The following CPED1 variants were observed in gnomAD, a reference collection of about 807,000 sequenced individuals.
CPED1 encodes the protein cadherin like and PC-esterase domain containing 1.
A neutral mutation model predicts 128.2 loss-of-function variants in CPED1; 114 were observed. The ratio of observed to expected loss-of-function variants is 0.89; its 90% confidence interval spans 0.76 to 1.04. The LOEUF (loss-of-function observed/expected upper bound fraction) is 1.04, where lower values mean the gene tolerates loss of function less well. Among genes scored for constraint, CPED1 ranks in the 50% least tolerant of loss-of-function variants. The pLI is 0.00. For synonymous variants in CPED1, 462 were observed against 426.7 expected, an observed-to-expected ratio of 1.08 and a Z score of -1.02; for missense variants, 1,211 against 1,207.1, an observed-to-expected ratio of 1.00 and a Z score of -0.05.
Position 121,221,812 on chromosome 7 carries a change from T to G in CPED1, c.2056-14902T>G, listed in dbSNP as rs546897278. Among the ~76,000 whole-genome samples, 11 of 152,312 alleles carry G rather than the reference T, an allele frequency of 7.2e-5. No individual in the cohort carries two copies. The South Asian group carries it at 1.0e-3, about 14-fold the overall frequency. ...TTTTGCCCACTTTTTGATTGGTTTA[T>G]TTCTTGTAAATTTGTTTAAGATCTT... On this transcript the variant is annotated intron_variant, in intron 16 of 22. Transcript: ENST00000310396.
chr7:121,253,769 A>G (rs1245295974), intron 18 of CPED1, among the ~76,000 whole-genome samples: 1 of 152,124 alleles, frequency 6.6e-6, no homozygotes, highest in Non-Finnish European at 1.5e-5. Context: ...AGGAGTTGCT[A>G]TTTTATATCA....
chr7:121,145,572 A>T (rs989800958), intron 16 of CPED1, among the ~76,000 whole-genome samples: 2 of 152,098 alleles, frequency 1.3e-5, no homozygotes, highest in African/African-American at 2.4e-5. Flanking sequence ...TGCTTTAGAT[A>T]CTTTACTAGG....
intron 5 of CPED1, among the ~76,000 whole-genome samples, chr7:121,086,519 T>A (rs1434252928): frequency 6.6e-6 from 1 of 152,168 alleles, no homozygotes; most frequent in African/African-American, 2.4e-5. Context: ...AACAAAAAAA[T>A]TTGAGTCTTA....
chr7:121,093,871 A>G (rs1794634826), intron 5 of CPED1, among the ~76,000 whole-genome samples: 1 of 151,908 alleles, frequency 6.6e-6, no homozygotes, highest in South Asian at 2.1e-4. Flanking sequence ...AACTATACCC[A>G]TGTGTTTGTT....
At chr7:121,107,463 G>A (rs1407097401) in intron 7 of CPED1, among the ~76,000 whole-genome samples, 1 of 152,090 alleles carries the variant, frequency 6.6e-6, no homozygotes, top group Non-Finnish European at 1.5e-5. Context: ...CAAATCTTCA[G>A]TGCCTGGCAT....
At chr7:121,128,821 A>AGTTATTTCTGCTTATTATCCCCTT (rs959432098) in intron 11 of CPED1, among the ~76,000 whole-genome samples, 1 of 152,106 alleles carries the variant, frequency 6.6e-6, no homozygotes, top group African/African-American at 2.4e-5. Flanking sequence ...TGCAACCAAA[A>AGTTATTTCTGCTTATTATCCCCTT]GTTATTTCTG....
intron 16 of CPED1, among the ~76,000 whole-genome samples, chr7:121,202,650 A>G (rs750829525): frequency 1.3e-5 from 2 of 152,164 alleles, no homozygotes; most frequent in Non-Finnish European, 2.9e-5. Flanking sequence ...ATTGGGAGTC[A>G]CTAGACTGAT....
intron 10 of CPED1, 52 bp from the exon 11 acceptor site, chr7:121,128,330 C>A: frequency 1.0e-6 from 1 of 997,628 alleles, no homozygotes; most frequent in Admixed American, 1.8e-5. Flanking sequence ...TTGGGTTGAA[C>A]ATGGTTTGAC....
intron 3 of CPED1, among the ~76,000 whole-genome samples, chr7:121,038,805 T>C (rs1792969412): frequency 6.6e-6 from 1 of 152,032 alleles, no homozygotes; most frequent in Non-Finnish European, 1.5e-5. Context: ...TATTTTGATG[T>C]CCCTCAGTGG....
intron 16 of CPED1, among the ~76,000 whole-genome samples, chr7:121,217,449 GAT>G (rs2116611830): frequency 6.6e-6 from 1 of 152,126 alleles, no homozygotes; most frequent in South Asian, 2.1e-4. Flanking sequence ...TCTAAGCCAA[GAT>G]ATATCCTTGG....
intron 5 of CPED1, among the ~76,000 whole-genome samples, chr7:121,082,200 T>C (rs1563018610): frequency 6.6e-6 from 1 of 152,186 alleles, no homozygotes; most frequent in Non-Finnish European, 1.5e-5. Context: ...ATAATTAAAC[T>C]GACCATTCTT....
At chr7:121,007,231 ATTTTT>A (rs398006038) in intron 2 of CPED1, among the ~76,000 whole-genome samples, 2 of 129,818 alleles carry the variant, frequency 1.5e-5, no homozygotes, top group African/African-American at 5.8e-5. Context: ...TTCAGGTTGC[ATTTTT>A]TTTTTTTTTT....
At chr7:121,130,600 T>C (rs1342984683) in intron 12 of CPED1, among the ~76,000 whole-genome samples, 1 of 152,068 alleles carries the variant, frequency 6.6e-6, no homozygotes, top group Non-Finnish European at 1.5e-5. Flanking sequence ...ATTGTGAGGG[T>C]ATCAGACAGA....
intron 7 of CPED1, among the ~76,000 whole-genome samples, chr7:121,103,386 T>TA (rs1321369251): frequency 2.6e-5 from 4 of 152,200 alleles, no homozygotes; most frequent in Non-Finnish European, 4.4e-5. Context: ...AGTTCAAAGT[T>TA]ACGCTTGATG....
intron 11 of CPED1, among the ~76,000 whole-genome samples, chr7:121,129,313 G>GTATATATA (rs71530055): frequency 3.7e-5 from 1 of 26,834 alleles, no homozygotes; most frequent in Non-Finnish European, 9.2e-5. Context: ...ATATATATAC[G>GTATATATA]TATATATATA....
At chr7:121,261,609 A>G (rs1327947827) in intron 18 of CPED1, 1 of 1,605,766 alleles carries the variant, frequency 6.2e-7, no homozygotes. Flanking sequence ...AAAACCTGAC[A>G]GCTTCTTTTT....
In CPED1 at chr7:121,122,139, A is replaced by ATTTT. The variant is rs34817474; in HGVS notation, c.919-2176_919-2173dup. Among the ~76,000 whole-genome samples the ATTTT allele has an allele frequency of 2.8e-4, 36 of 127,276 alleles. 2 individuals are homozygous for ATTTT. Among genetic ancestry groups the ATTTT allele is most frequent in the East Asian group, 9.0e-4 (4 of 4,458 alleles). The allele number at this position is 127,276 out of a possible 152,430, so 83.5% of individuals were successfully genotyped here. ...AAAAGAAGAAATCACACTCATCTGG[A>ATTTT]TTTTTTTTTTTTTTTTTTTGAGACA... On this transcript the variant is annotated intron_variant, in intron 7 of 22. Transcript: ENST00000310396.
At chr7:121,165,510 A>G (rs1169498020) in intron 16 of CPED1, among the ~76,000 whole-genome samples, 1 of 152,178 alleles carries the variant, frequency 6.6e-6, no homozygotes, top group East Asian at 1.9e-4. Context: ...TCAATCATGA[A>G]AGAGTGATAG....
intron 16 of CPED1, among the ~76,000 whole-genome samples, chr7:121,232,222 C>A (rs917017158): frequency 3.3e-5 from 5 of 152,090 alleles, no homozygotes; most frequent in Admixed American, 2.6e-4. Context: ...TCCATTCCCC[C>A]TCACCTGTTT....
Sources: gnomAD v4.1 joint callset for allele counts (sites outside exome capture counted in the v4.1 genomes callset) on GRCh38, gnomAD v4.1.1 for gene constraint, MANE v1.5 for transcripts, NCBI Gene and HGNC (gene_info 2026-07-23, HGNC 2026-07-21) for gene names.